The following SLC24A2 variants were observed in gnomAD, a reference collection of about 807,000 sequenced individuals.
SLC24A2 encodes sodium/potassium/calcium exchanger 2.
In SLC24A2, 36 loss-of-function variants were observed where a neutral mutation model predicts 62.0. The ratio of observed to expected loss-of-function variants is 0.58; its 90% CI spans 0.44 to 0.77. SLC24A2 has a LOEUF of 0.77. Among genes scored for constraint, SLC24A2 ranks in the 30% least tolerant of loss-of-function variants. The pLI is 0.00. For synonymous variants in SLC24A2, 358 were observed against 294.0 expected (o/e 1.22, Z -2.23); for missense variants, 846 against 817.9 (o/e 1.03, Z -0.42).
chr9:20,092,453 AT>A, the SLC24A2 span, among the ~76,000 whole-genome samples: 1 of 150,778 alleles, frequency 6.6e-6, no homozygotes, highest in East Asian at 1.9e-4. Flanking sequence ...AGACTTTTTT[AT>A]TTTTTTTAAG....
chr9:20,306,465 A>G, the SLC24A2 span, among the ~76,000 whole-genome samples: 2 of 152,186 alleles, frequency 1.3e-5, no homozygotes, highest in Non-Finnish European at 2.9e-5. Flanking sequence ...CAAATAGAGA[A>G]AGACCCAAAG....
chr9:20,286,585 G>A, the SLC24A2 span, among the ~76,000 whole-genome samples: 10 of 152,274 alleles, frequency 6.6e-5, no homozygotes, highest in East Asian at 7.7e-4. Context: ...TGCAAGGGGG[G>A]GCTGAGATCT....
the SLC24A2 span, among the ~76,000 whole-genome samples, chr9:19,825,804 T>C: frequency 6.6e-6 from 1 of 152,092 alleles, no homozygotes; most frequent in Non-Finnish European, 1.5e-5. Context: ...GATCATGTTG[T>C]CTAAAAAATA....
the SLC24A2 span, among the ~76,000 whole-genome samples, chr9:20,018,344 T>G: frequency 2.0e-5 from 3 of 152,206 alleles, no homozygotes; most frequent in Admixed American, 2.0e-4. Context: ...CAATCTTTCT[T>G]CCTCTATCTG....
chr9:19,762,793 CTTTTTTTT>C (rs58241037), intron 2 of SLC24A2, among the ~76,000 whole-genome samples: 2 of 102,394 alleles, frequency 2.0e-5, no homozygotes, highest in Non-Finnish European at 4.0e-5. Flanking sequence ...GCTATATGTG[CTTTTTTTT>C]TTTTTTTTTT....
chr9:19,966,454 T>G, the SLC24A2 span, among the ~76,000 whole-genome samples: 1 of 152,222 alleles, frequency 6.6e-6, no homozygotes, highest in South Asian at 2.1e-4. Flanking sequence ...TTAGAGCCAA[T>G]AATTTCTTGT....
the SLC24A2 span, among the ~76,000 whole-genome samples, chr9:20,241,093 A>G: frequency 3.9e-5 from 6 of 152,270 alleles, 1 homozygote; most frequent in African/African-American, 1.4e-4. Context: ...ATGAAATAAT[A>G]CAAGGTAGGT....
intron 2 of SLC24A2, among the ~76,000 whole-genome samples, chr9:19,712,983 T>G (rs563238595): frequency 6.6e-6 from 1 of 152,300 alleles, no homozygotes; most frequent in Non-Finnish European, 1.5e-5. Context: ...GATATCTGCA[T>G]GATTCACTTT....
chr9:20,175,150 T>C, the SLC24A2 span, among the ~76,000 whole-genome samples: 139 of 151,968 alleles, frequency 9.1e-4, 1 homozygote, highest in African/African-American at 3.3e-3. Context: ...AATCAAACAT[T>C]GTATGTTCTC....
At chr9:19,948,678 T>C in the SLC24A2 span, among the ~76,000 whole-genome samples, 2 of 151,562 alleles carry the variant, frequency 1.3e-5, no homozygotes, top group Non-Finnish European at 2.9e-5. Flanking sequence ...ACCCCGTCTC[T>C]ACTAAAAATA....
chr9:19,703,403 G>T (rs1820414978), intron 2 of SLC24A2, among the ~76,000 whole-genome samples: 1 of 152,094 alleles, frequency 6.6e-6, no homozygotes, highest in Non-Finnish European at 1.5e-5. Context: ...GGGTTGCAGA[G>T]GGCTTAGATG....
chr9:19,615,994 GCACACACACACACA>G (rs3220155), intron 4 of SLC24A2, among the ~76,000 whole-genome samples: 2,724 of 140,898 alleles, frequency 0.019, 79 homozygotes, highest in African/African-American at 0.067. Context: ...TCACAGGCGT[GCACACACACACACA>G]CACACACACA....
intron 4 of SLC24A2, among the ~76,000 whole-genome samples, chr9:19,601,820 C>T (rs746486349): frequency 6.6e-6 from 1 of 152,152 alleles, no homozygotes; most frequent in African/African-American, 2.4e-5. Context: ...AGTTCTCACA[C>T]TTATGCAAAT....
At chr9:20,236,265 A>T in the SLC24A2 span, among the ~76,000 whole-genome samples, 1 of 152,352 alleles carries the variant, frequency 6.6e-6, no homozygotes, top group South Asian at 2.1e-4. Flanking sequence ...AAAGCATGGC[A>T]CCCTGACAGG....
chr9:20,141,392 T>C, the SLC24A2 span, among the ~76,000 whole-genome samples: 63 of 152,148 alleles, frequency 4.1e-4, 1 homozygote, highest in African/African-American at 5.3e-4. Flanking sequence ...ATTGTTGTGG[T>C]TTTACCCTTA....
the SLC24A2 span, among the ~76,000 whole-genome samples, chr9:19,949,874 T>C: frequency 7.9e-5 from 12 of 152,324 alleles, no homozygotes. Flanking sequence ...CCTACCAGTC[T>C]GCATGTTTAT....
chr9:19,934,799 C>A, the SLC24A2 span, among the ~76,000 whole-genome samples: 4 of 152,012 alleles, frequency 2.6e-5, no homozygotes, highest in Non-Finnish European at 5.9e-5. This position sits in a 1 kb window ranked among gnomAD's most constrained non-coding sequence, Gnocchi z 4.1. Flanking sequence ...CCGAGCGGGG[C>A]GTGGCGGGGA....
At chr9:20,052,963 G>T in the SLC24A2 span, among the ~76,000 whole-genome samples, 5 of 152,088 alleles carry the variant, frequency 3.3e-5, no homozygotes, top group African/African-American at 1.2e-4. Context: ...AAATGAATCA[G>T]AAACATATGG....
the SLC24A2 span, among the ~76,000 whole-genome samples, chr9:19,868,596 T>C: frequency 2.0e-5 from 3 of 152,230 alleles, no homozygotes; most frequent in African/African-American, 4.8e-5. Context: ...TTTTTGTCTA[T>C]TTCTCTTTTC....
Sources: allele counts gnomAD v4.1 joint callset (sites outside exome capture counted in the v4.1 genomes callset), GRCh38; gene constraint gnomAD v4.1.1; non-coding constraint Gnocchi (gnomAD v3.1); transcripts MANE v1.5; gene names NCBI Gene and HGNC (gene_info 2026-07-23, HGNC 2026-07-21).